Variants in SLC35F4 observed in about 807,000 individuals in gnomAD.
SLC35F4 encodes the protein solute carrier family 35 member F4.
Under a neutral mutation model 44.2 loss-of-function variants are expected in SLC35F4, and 24 were observed. The observed-to-expected ratio is 0.54, with a 90% CI of 0.39 to 0.76. The LOEUF is 0.76. Among genes scored for constraint, SLC35F4 ranks in the 30% least tolerant of loss-of-function variants. SLC35F4 has a pLI of 0.00. For synonymous variants in SLC35F4, 238 were observed against 223.6 expected, an observed-to-expected ratio of 1.06 and a Z score of -0.57; for missense variants, 562 against 586.1, an observed-to-expected ratio of 0.96 and a Z score of 0.42.
chr14:57,742,597 G>A (rs2076641238), intron 1 of SLC35F4, among the ~76,000 whole-genome samples: 1 of 152,126 alleles, frequency 6.6e-6, no homozygotes, highest in Admixed American at 6.6e-5. Flanking sequence ...CGTACAAAGA[G>A]ACTAAGACTC....
chr14:57,647,998 C>A (rs1317300531), intron 1 of SLC35F4, among the ~76,000 whole-genome samples: 1 of 152,150 alleles, frequency 6.6e-6, no homozygotes, highest in East Asian at 1.9e-4. Flanking sequence ...CAGAATTGAG[C>A]GGTTTCATGT....
At chr14:57,882,669 A>G (rs1247209838) in intron 1 of SLC35F4, among the ~76,000 whole-genome samples, 1 of 151,996 alleles carries the variant, frequency 6.6e-6, no homozygotes, top group Non-Finnish European at 1.5e-5. Context: ...TTTCCAGCCC[A>G]TTTTCTTGCT....
intron 1 of SLC35F4, among the ~76,000 whole-genome samples, chr14:57,813,578 A>G: frequency 6.6e-6 from 1 of 152,336 alleles, no homozygotes; most frequent in Non-Finnish European, 1.5e-5. Flanking sequence ...AAGTATTTTA[A>G]TAAATATTAA....
At chr14:57,667,836 T>C (rs1393529988) in intron 1 of SLC35F4, among the ~76,000 whole-genome samples, 2 of 150,794 alleles carry the variant, frequency 1.3e-5, no homozygotes, top group African/African-American at 4.9e-5. Flanking sequence ...TATAATTCTT[T>C]GGGTATATAC....
rs536293281 is a variant in SLC35F4, at chr14:57,581,073, C to G, written c.807+141G>C. Reference sequence around the variant, plus strand: ...TTGCAACTGCCTGGGCTTTCTAATGCGTCTTCAGATTTCGGTTTGTACTCA... The same window carrying G: ...TTGCAACTGCCTGGGCTTTCTAATGGGTCTTCAGATTTCGGTTTGTACTCA... On this transcript the variant is annotated intron_variant, in intron 4 of 7. Transcript: ENST00000556826. 3.6e-5 allele frequency: 27 copies of G among 747,150 alleles called. No homozygotes were observed. In the Admixed American group the frequency reaches 7.9e-4, roughly 22 times the overall value. 46.3% of individuals were successfully genotyped at this position (747,150 alleles called of 1,614,324 possible).
At chr14:57,678,628 G>C (rs1013691531) in intron 1 of SLC35F4, among the ~76,000 whole-genome samples, 4 of 151,542 alleles carry the variant, frequency 2.6e-5, no homozygotes, top group African/African-American at 9.7e-5. Flanking sequence ...GAGACCCATC[G>C]CAAGTGCAAA....
chr14:57,711,957 C>T (rs2075827314), intron 1 of SLC35F4, among the ~76,000 whole-genome samples: 1 of 152,158 alleles, frequency 6.6e-6, no homozygotes, highest in African/African-American at 2.4e-5. Context: ...TGTACTGTGT[C>T]TGTTTCTAAT....
chr14:57,778,043 T>C (rs1312275965), intron 1 of SLC35F4, among the ~76,000 whole-genome samples: 1 of 152,198 alleles, frequency 6.6e-6, no homozygotes, highest in Non-Finnish European at 1.5e-5. Context: ...TGGGAGGTGA[T>C]TGAACTATGG....
chr14:57,817,671 G>A (rs1882753164), intron 1 of SLC35F4, among the ~76,000 whole-genome samples: 1 of 152,108 alleles, frequency 6.6e-6, no homozygotes, highest in South Asian at 2.1e-4. Context: ...GGGGATAGGG[G>A]AGGATTTATT....
chr14:57,863,889 G>C (rs1233234698), intron 1 of SLC35F4, among the ~76,000 whole-genome samples: 1 of 152,176 alleles, frequency 6.6e-6, no homozygotes, highest in Non-Finnish European at 1.5e-5. Flanking sequence ...ACCATGCCAA[G>C]TTAATCTTTA....
At chr14:57,665,431 G>T (rs1442753617) in intron 1 of SLC35F4, among the ~76,000 whole-genome samples, 1 of 152,098 alleles carries the variant, frequency 6.6e-6, no homozygotes, top group African/African-American at 2.4e-5. Context: ...AGGCAAGCAC[G>T]AGTACTGTCT....
chr14:57,649,268 G>A (rs1250336596), intron 1 of SLC35F4, among the ~76,000 whole-genome samples: 2 of 152,164 alleles, frequency 1.3e-5, no homozygotes, highest in Admixed American at 6.5e-5. Context: ...AAACAACACA[G>A]ATTTATTATA....
In SLC35F4 at chr14:57,775,532, G is replaced by C. The variant is rs181585200; in HGVS notation, c.103+90191C>G. Among the ~76,000 whole-genome samples the C allele has an allele frequency of 2.6e-3, 389 of 152,338 alleles. 3 individuals carry two copies. Among genetic ancestry groups the C allele is most frequent in the African/African-American group, 8.9e-3 (370 of 41,582 alleles). On this transcript the variant is annotated intron_variant, in intron 1 of 7. Transcript: ENST00000556826. ...TTACAATATGCAGTCTAGGAGTTCT[G>C]AGCTGAGCCTTGGCTCTTTAAGGTT...
At chr14:57,854,440 C>T (rs1228252295) in intron 1 of SLC35F4, among the ~76,000 whole-genome samples, 1 of 152,138 alleles carries the variant, frequency 6.6e-6, no homozygotes, top group South Asian at 2.1e-4. Flanking sequence ...TGGCTACATA[C>T]ATAGCTAAAA....
chr14:57,703,703 T>C (rs758679540), intron 1 of SLC35F4, among the ~76,000 whole-genome samples: 4 of 152,314 alleles, frequency 2.6e-5, no homozygotes, highest in South Asian at 2.1e-4. Flanking sequence ...TTTGACTTAC[T>C]AGCATTAGGC....
At chr14:57,816,195 G>A (rs753357391) in intron 1 of SLC35F4, among the ~76,000 whole-genome samples, 2 of 152,118 alleles carry the variant, frequency 1.3e-5, no homozygotes, top group East Asian at 3.9e-4. Context: ...GGCCCCATGC[G>A]TGTAAAATCG....
intron 1 of SLC35F4, among the ~76,000 whole-genome samples, chr14:57,776,530 G>A (rs2140715902): frequency 6.6e-6 from 1 of 152,048 alleles, no homozygotes; most frequent in African/African-American, 2.4e-5. Context: ...GCCAGGAGTG[G>A]TGGCACGCGC....
chr14:57,937,672 T>C (rs1367338521), intron 1 of SLC35F4, among the ~76,000 whole-genome samples: 4 of 148,656 alleles, frequency 2.7e-5, no homozygotes, highest in Non-Finnish European at 6.0e-5. Flanking sequence ...GAAAAAGATA[T>C]CACAAAGGAT....
intron 1 of SLC35F4, among the ~76,000 whole-genome samples, chr14:57,681,526 A>C (rs1055987184): frequency 3.9e-5 from 6 of 152,044 alleles, no homozygotes; most frequent in Non-Finnish European, 8.8e-5. Flanking sequence ...AGACTTAGAC[A>C]TAAGACCTAA....
Sources: allele counts gnomAD v4.1 joint callset (sites outside exome capture counted in the v4.1 genomes callset), GRCh38; gene constraint gnomAD v4.1.1; transcripts MANE v1.5; gene names NCBI Gene and HGNC (gene_info 2026-07-23, HGNC 2026-07-21).